PRKAR1B: variants seen among roughly 807,000 people sequenced by gnomAD.
The protein encoded by PRKAR1B is cAMP-dependent protein kinase type I-beta regulatory subunit.
Under a neutral mutation model 46.5 loss-of-function variants are expected in PRKAR1B, and 22 were observed. That is an observed-to-expected ratio of 0.47 (90% CI 0.34 to 0.68). PRKAR1B has a LOEUF of 0.68. PRKAR1B is among the 30% of genes least tolerant of loss of function. The probability of loss-of-function intolerance (pLI) is 0.01; values close to 1 mark genes in which losing one functional copy is unlikely to be tolerated. For synonymous variants in PRKAR1B, 259 were observed against 217.7 expected, an observed-to-expected ratio of 1.19 and a Z score of -1.67; for missense variants, 445 against 535.6, an observed-to-expected ratio of 0.83 and a Z score of 1.67.
At chr7:629,675 G>C (rs10230519) in intron 4 of PRKAR1B, among the ~76,000 whole-genome samples, 116 of 33,116 alleles carry the variant, frequency 3.5e-3, no homozygotes, top group South Asian at 4.8e-3. Context: ...CACGGCCTCC[G>C]AGGGCGCCAC....
intron 9 of PRKAR1B, among the ~76,000 whole-genome samples, chr7:562,457 G>A (rs557507777): frequency 6.6e-6 from 1 of 152,284 alleles, no homozygotes; most frequent in South Asian, 2.1e-4. Flanking sequence ...GACGACGGCA[G>A]ACACCTCCCT....
chr7:598,202 C>T (rs997120559), intron 6 of PRKAR1B, among the ~76,000 whole-genome samples: 33 of 150,746 alleles, frequency 2.2e-4, no homozygotes, highest in Admixed American at 1.2e-3. Context: ...CAGCACCCTC[C>T]GCACTAAACA....
intron 4 of PRKAR1B, among the ~76,000 whole-genome samples, chr7:653,214 G>A (rs1250057720): frequency 6.6e-6 from 1 of 152,222 alleles, no homozygotes; most frequent in Non-Finnish European, 1.5e-5. Context: ...CCAGGCCAGT[G>A]TCTGAGGCTC....
chr7:606,804 A>C (rs1782094586), intron 5 of PRKAR1B, among the ~76,000 whole-genome samples: 2 of 149,560 alleles, frequency 1.3e-5, no homozygotes, highest in Non-Finnish European at 3.0e-5. Flanking sequence ...GTATAATTTT[A>C]TATTACTTTA....
At chr7:661,021 C>G (rs1347077074) in intron 4 of PRKAR1B, among the ~76,000 whole-genome samples, 1 of 46,566 alleles carries the variant, frequency 2.1e-5, no homozygotes, top group East Asian at 1.0e-3. Context: ...CCCCATGGCA[C>G]AGGTCCCCAC....
chr7:577,439 G>A (rs9718346), intron 9 of PRKAR1B, among the ~76,000 whole-genome samples: 21,520 of 152,002 alleles, frequency 0.14, 1,557 homozygotes, highest in Admixed American at 0.15. Flanking sequence ...GCATGCAAGC[G>A]TGAGATCCTG....
rs1351692490 is a variant in PRKAR1B at position 593,924 on chromosome 7, C to T, written c.708+2222G>A. On this transcript the variant is annotated intron_variant, in intron 7 of 10. Transcript: ENST00000537384. This position sits in a 1 kb window ranked among gnomAD's most constrained non-coding sequence, Gnocchi z 6.1. ...AGCCGCCCCAAAGACTGTGCGAACG[C>T]GCCATCCACAAAACACAAGAGCCGG... Among the ~76,000 whole-genome samples, 5 of 152,172 alleles carry T rather than the reference C, an allele frequency of 3.3e-5. No homozygotes were observed. Among genetic ancestry groups the T allele is most frequent in the South Asian group, 2.1e-4 (1 of 4,830 alleles).
intron 6 of PRKAR1B, among the ~76,000 whole-genome samples, chr7:597,023 A>G (rs1355610844): frequency 4.6e-5 from 7 of 152,274 alleles, no homozygotes. Context: ...CAGGGTGCCT[A>G]CTATGCATTG....
chr7:553,779 G>A (rs781710072), intron 9 of PRKAR1B, among the ~76,000 whole-genome samples: 1 of 152,340 alleles, frequency 6.6e-6, no homozygotes, highest in South Asian at 2.1e-4. Flanking sequence ...TGCCCGCCAC[G>A]CCTAGAATCT....
intron 4 of PRKAR1B, among the ~76,000 whole-genome samples, chr7:676,395 C>T (rs1435787986): frequency 6.6e-6 from 1 of 152,226 alleles, no homozygotes; most frequent in African/African-American, 2.4e-5. Flanking sequence ...GCTCCCGGCA[C>T]AGGCAGGAGC....
At chr7:721,466 C>T (rs6978260) in intron 1 of PRKAR1B, among the ~76,000 whole-genome samples, 221 of 152,156 alleles carry the variant, frequency 1.5e-3, no homozygotes, top group African/African-American at 5.1e-3. Context: ...CTGACCAACA[C>T]GGAGAAACTC....
At chr7:574,298 A>AGCAGG (rs1345321669) in intron 9 of PRKAR1B, among the ~76,000 whole-genome samples, 3 of 152,240 alleles carry the variant, frequency 2.0e-5, no homozygotes, top group Non-Finnish European at 1.5e-5. Context: ...AGAAGCCGAG[A>AGCAGG]GCAGGGCAGG....
intron 8 of PRKAR1B, among the ~76,000 whole-genome samples, chr7:580,360 C>G (rs904102427): frequency 2.0e-5 from 3 of 151,832 alleles, no homozygotes; most frequent in Admixed American, 2.0e-4. Flanking sequence ...TCGAGACCAG[C>G]CTGGTCAACA....
Position 588,852 on chromosome 7 carries a change from ATGG to A in PRKAR1B, c.709-4287_709-4285del, listed in dbSNP as rs1780804340. ...GATGGTGGTGATGGTAATGGTGGTGATGGTGATGGTGGTGATGTTGGTGAGGAT... is the reference window on the plus strand; with the variant it reads ...GATGGTGGTGATGGTAATGGTGGTGATGATGGTGGTGATGTTGGTGAGGAT... On this transcript the variant is annotated intron_variant, in intron 7 of 10. Coordinates refer to ENST00000537384, the MANE Select transcript of PRKAR1B (RefSeq NM_001164760.2). Among the ~76,000 whole-genome samples the A allele has an allele frequency of 1.9e-5, 2 of 106,860 alleles. 1 individual carries two copies. The highest frequency in any genetic ancestry group is 3.9e-5 in the Non-Finnish European group (2 of 51,386). The allele number at this position is 106,860 out of a possible 152,430, so 70.1% of individuals were successfully genotyped here.
intron 1 of PRKAR1B, among the ~76,000 whole-genome samples, chr7:719,805 C>G (rs1259083842): frequency 6.6e-6 from 1 of 152,182 alleles, no homozygotes; most frequent in Non-Finnish European, 1.5e-5. Context: ...TCCCTAGCCC[C>G]AGGAGATCAG....
At chr7:670,532 C>T (rs957693116) in intron 4 of PRKAR1B, among the ~76,000 whole-genome samples, 18 of 147,396 alleles carry the variant, frequency 1.2e-4, no homozygotes, top group East Asian at 4.3e-4. Flanking sequence ...CTGAGCTCCC[C>T]GACGCCACAG....
intron 5 of PRKAR1B, among the ~76,000 whole-genome samples, chr7:607,047 A>G (rs1782127075): frequency 6.6e-6 from 1 of 152,038 alleles, no homozygotes; most frequent in Admixed American, 6.5e-5. Context: ...TGTATCACCT[A>G]GGCTAGAGTG....
intron 1 of PRKAR1B, among the ~76,000 whole-genome samples, chr7:718,577 G>A (rs919925490): frequency 2.6e-5 from 4 of 151,636 alleles, no homozygotes; most frequent in African/African-American, 4.8e-5. Context: ...GGCTGGTCTC[G>A]AACTCCTGAC....
Position 706,422 on chromosome 7 carries a change from A to ATTTTTTTTTTTTTTTTTTTT in PRKAR1B, c.177+4906_177+4907insAAAAAAAAAAAAAAAAAAAA, listed in dbSNP as rs33963335. Among the ~76,000 whole-genome samples the ATTTTTTTTTTTTTTTTTTTT allele has an allele frequency of 1.4e-4, 14 of 102,312 alleles. 1 individual carries two copies. Among genetic ancestry groups the ATTTTTTTTTTTTTTTTTTTT allele is most frequent in the Non-Finnish European group, 2.1e-4 (11 of 53,370 alleles). The allele number at this position is 102,312 out of a possible 152,430, so 67.1% of individuals were successfully genotyped here. A position where few individuals can be genotyped will look rare whatever the true frequency, so the allele number is the denominator to read the frequency against. ...GCTGTGTTTTGCCATCAAATAAGGA[A>ATTTTTTTTTTTTTTTTTTTT]TTTTTTTTTTTTTTTTTTTGAGACG... On this transcript the variant is annotated intron_variant, in intron 2 of 10. Transcript: ENST00000537384.
Sources: allele counts gnomAD v4.1 joint callset (sites outside exome capture counted in the v4.1 genomes callset), GRCh38; gene constraint gnomAD v4.1.1; non-coding constraint Gnocchi (gnomAD v3.1); transcripts MANE v1.5; gene names NCBI Gene and HGNC (gene_info 2026-07-23, HGNC 2026-07-21).